SMOC2: variants seen among roughly 807,000 people sequenced by gnomAD.
SMOC2 encodes the protein SPARC related modular calcium binding 2, also known as SPARC-related modular calcium-binding protein 2.
Under a neutral mutation model 61.4 loss-of-function variants are expected in SMOC2, and 39 were observed. The observed-to-expected ratio is 0.64, with a 90% CI of 0.49 to 0.83. The LOEUF is 0.83. Among genes scored for constraint, SMOC2 ranks in the 40% least tolerant of loss-of-function variants. SMOC2 has a pLI of 0.00. For synonymous variants in SMOC2, 247 were observed against 239.9 expected (o/e 1.03, Z -0.27); for missense variants, 556 against 592.9 (o/e 0.94, Z 0.65).
intron 12 of SMOC2, 29 bp from the exon 13 acceptor site, chr6:168,666,392 A>G (rs1393094657): frequency 6.2e-7 from 1 of 1,613,686 alleles, no homozygotes; most frequent in Admixed American, 1.7e-5. Context: ...TCTGAATATA[A>G]TGTCTCTTTT....
chr6:168,492,833 G>T (rs1583054940), intron 1 of SMOC2, among the ~76,000 whole-genome samples: 1 of 152,134 alleles, frequency 6.6e-6, no homozygotes. Context: ...CTTTAATATT[G>T]CCATCTATAG....
At chr6:168,468,215 C>T (rs146818033) in intron 1 of SMOC2, among the ~76,000 whole-genome samples, 208 of 152,248 alleles carry the variant, frequency 1.4e-3, no homozygotes, top group African/African-American at 4.8e-3. Context: ...GGATTTATAT[C>T]GAGGGACACA....
At chr6:168,469,108 C>A (rs984996354) in intron 1 of SMOC2, among the ~76,000 whole-genome samples, 1 of 152,168 alleles carries the variant, frequency 6.6e-6, no homozygotes, top group Non-Finnish European at 1.5e-5. Flanking sequence ...TGGGTCAGAC[C>A]CAGCTGTGGC....
At chr6:168,623,812 C>T (rs1000241678) in intron 9 of SMOC2, among the ~76,000 whole-genome samples, 1 of 152,094 alleles carries the variant, frequency 6.6e-6, no homozygotes, top group African/African-American at 2.4e-5. Context: ...CGACAGCCTC[C>T]GGGACAGTGA....
chr6:168,551,493 A>C (rs941783650), intron 7 of SMOC2, among the ~76,000 whole-genome samples: 1 of 151,502 alleles, frequency 6.6e-6, no homozygotes, highest in Admixed American at 6.6e-5. Flanking sequence ...TTGCTCTGTC[A>C]CCCAGGCTGG....
At chr6:168,657,534 A>T (rs1443750947) in intron 11 of SMOC2, among the ~76,000 whole-genome samples, 1 of 152,286 alleles carries the variant, frequency 6.6e-6, no homozygotes, top group East Asian at 1.9e-4. Context: ...GCACCTGCCC[A>T]CTGGGTTTCC....
rs1002508931 is a variant in SMOC2 at position 168,650,780 on chromosome 6, G to A, written c.1007G>A (p.Gly336Asp). ...GCCTCCGACCCCTCCTCCTCGTCAG[G>A]CAGGTACGCTGTGTTCGCCGTGGGA... The part of the protein sequence containing the change: ...HAASDPSSSS[G>D]RLSEPDPSHT... The change falls in exon 10 of 13, where the codon GGC (glycine) becomes GAC (aspartate). Residue 336 changes from glycine to aspartate, a missense_variant. Coordinates refer to ENST00000356284, the MANE Select transcript of SMOC2 (RefSeq NM_001166412.2). 5 of 1,610,256 alleles carry A rather than the reference G, an allele frequency of 3.1e-6. No individual in the cohort carries two copies. Among genetic ancestry groups the A allele is most frequent in the Non-Finnish European group, 4.2e-6 (5 of 1,179,640 alleles).
At chr6:168,445,119 A>C (rs1378199158) in intron 1 of SMOC2, among the ~76,000 whole-genome samples, 3 of 152,190 alleles carry the variant, frequency 2.0e-5, no homozygotes, top group Non-Finnish European at 4.4e-5. Context: ...AGAGACTCTG[A>C]AGGGCACCTG....
At chr6:168,581,260 T>C (rs1310672180) in intron 7 of SMOC2, among the ~76,000 whole-genome samples, 1 of 152,126 alleles carries the variant, frequency 6.6e-6, no homozygotes, top group Non-Finnish European at 1.5e-5. Context: ...AACCACGAAA[T>C]TTCCATGACT....
intron 7 of SMOC2, among the ~76,000 whole-genome samples, chr6:168,567,840 G>T (rs1784576926): frequency 6.6e-6 from 1 of 150,860 alleles, no homozygotes; most frequent in Non-Finnish European, 1.5e-5. Flanking sequence ...AAGACTGGAT[G>T]GTGTGAGTCG....
intron 8 of SMOC2, among the ~76,000 whole-genome samples, chr6:168,603,347 A>C (rs752004481): frequency 6.9e-6 from 1 of 145,380 alleles, no homozygotes; most frequent in Non-Finnish European, 1.5e-5. Flanking sequence ...GGTGGGGCAG[A>C]TGGGGAGCAG....
chr6:168,622,307 T>C (rs1183701079), intron 9 of SMOC2, among the ~76,000 whole-genome samples: 2 of 152,044 alleles, frequency 1.3e-5, no homozygotes, highest in African/African-American at 4.8e-5. Context: ...TGGAACAAAA[T>C]GAATCTTCTT....
chr6:168,589,076 C>CAA (rs35958554), intron 7 of SMOC2, among the ~76,000 whole-genome samples: 11,992 of 89,708 alleles, frequency 0.13, 802 homozygotes, highest in African/African-American at 0.21. Flanking sequence ...GAATTCGTCT[C>CAA]AAAAAAAAAA....
intron 7 of SMOC2, among the ~76,000 whole-genome samples, chr6:168,566,719 T>G (rs902201368): frequency 6.6e-6 from 1 of 152,128 alleles, no homozygotes; most frequent in African/African-American, 2.4e-5. Context: ...CAGGATGATC[T>G]TGATCTCTTG....
chr6:168,517,755 G>C (rs1468301494), intron 2 of SMOC2, among the ~76,000 whole-genome samples: 1 of 148,984 alleles, frequency 6.7e-6, no homozygotes, highest in Non-Finnish European at 1.5e-5. Flanking sequence ...GCTGGGGCTG[G>C]GCAGACTCTG....
intron 9 of SMOC2, among the ~76,000 whole-genome samples, chr6:168,637,083 T>A (rs1307854611): frequency 2.6e-5 from 4 of 151,956 alleles, no homozygotes; most frequent in Non-Finnish European, 4.4e-5. Context: ...GAAATGGAGT[T>A]TGTTTATTTT....
chr6:168,489,062 T>G (rs1782404627), intron 1 of SMOC2, among the ~76,000 whole-genome samples: 1 of 148,768 alleles, frequency 6.7e-6, no homozygotes, highest in South Asian at 2.1e-4. Flanking sequence ...GAGGGAAATA[T>G]ATCGAATCAT....
At chr6:168,528,191 G>A (rs1355755640) in intron 4 of SMOC2, among the ~76,000 whole-genome samples, 4 of 151,550 alleles carry the variant, frequency 2.6e-5, no homozygotes, top group South Asian at 2.1e-4. Context: ...TTTATTACTC[G>A]TAAGAGGGCT....
At chr6:168,609,367 G>T (rs973778635) in intron 9 of SMOC2, among the ~76,000 whole-genome samples, 5 of 152,142 alleles carry the variant, frequency 3.3e-5, no homozygotes, top group Non-Finnish European at 7.3e-5. Flanking sequence ...TTTTTTTAAT[G>T]AGAGTATGGT....
Sources: allele counts gnomAD v4.1 joint callset (sites outside exome capture counted in the v4.1 genomes callset), GRCh38; gene constraint gnomAD v4.1.1; transcripts MANE v1.5; gene names NCBI Gene and HGNC (gene_info 2026-07-23, HGNC 2026-07-21).